SEC24C: variants seen among roughly 807,000 people sequenced by gnomAD.
SEC24C encodes the protein protein transport protein Sec24C.
A neutral mutation model predicts 117.0 loss-of-function variants in SEC24C; 22 were observed. That is an observed-to-expected ratio of 0.19 (90% CI 0.13 to 0.27). The LOEUF is 0.27. Ranked by LOEUF, SEC24C falls within the 10% of genes least tolerant of loss-of-function variation. SEC24C has a pLI of 1.00. For missense variants in SEC24C, 1,155 were observed against 1,375.1 expected (o/e 0.84, Z 2.53); for synonymous variants, 506 against 529.4 (o/e 0.96, Z 0.61).
In SEC24C at chr10:73,760,251, C is replaced by T; in HGVS notation, c.715C>T (p.Pro239Ser). ...PLLPGQSFGG[P>S]SVSQPNHVSS... Reference sequence around the variant, plus strand: ...CCTGCCTGGACAGAGTTTTGGAGGGCCCTCAGTGAGCCAGCCCAACCATGT... The same window carrying T: ...CCTGCCTGGACAGAGTTTTGGAGGGTCCTCAGTGAGCCAGCCCAACCATGT... Residue 239 changes from proline to serine, a missense_variant, in exon 5 of 23, where the codon CCC becomes TCC. Coordinates refer to ENST00000345254, the MANE Select transcript of SEC24C (RefSeq NM_198597.3). 1 of 1,614,106 alleles carries T rather than the reference C, an allele frequency of 6.2e-7. No individual in the cohort carries two copies. Among genetic ancestry groups the T allele is most frequent in the Non-Finnish European group, 8.5e-7 (1 of 1,180,022 alleles).
At chr10:73,748,300 A>C (rs1306663028) in intron 2 of SEC24C, among the ~76,000 whole-genome samples, 1 of 145,632 alleles carries the variant, frequency 6.9e-6, no homozygotes, top group Non-Finnish European at 1.5e-5. Context: ...CATGCCCGGC[A>C]TTTTTTGTAT....
chr10:73,751,333 G>A (rs2082639754), intron 3 of SEC24C, 90 bp downstream of exon 3: 2 of 1,307,890 alleles, frequency 1.5e-6, no homozygotes, highest in African/African-American at 1.5e-5. Flanking sequence ...GGCTGAGGTG[G>A]GTGGATCACC....
rs2082978921 is a variant in SEC24C at position 73,771,289 on chromosome 10, G to A, written c.*194G>A. On this transcript the variant is annotated 3_prime_UTR_variant, in exon 23 of 23. Transcript: ENST00000345254. ...CTGTCATGTCCTGCTGATGGAAGGT[G>A]CCCCTGTTCCCTCATTCTACCCTCT... The A allele has an allele frequency of 1.6e-6, 1 of 619,428 alleles. No homozygotes were observed. Among genetic ancestry groups the A allele is most frequent in the South Asian group, 2.1e-5 (1 of 47,926 alleles). 38.4% of individuals were successfully genotyped at this position (619,428 alleles called of 1,614,324 possible). A position where few individuals can be genotyped will look rare whatever the true frequency, so the allele number is the denominator to read the frequency against.
rs1210736185 is a variant in SEC24C at position 73,766,131 on chromosome 10, G to A, written c.1528G>A (p.Val510Ile). 16 of 1,613,546 alleles carry A rather than the reference G, an allele frequency of 9.9e-6. No homozygotes were observed. The highest frequency in any genetic ancestry group is 6.7e-5 in the East Asian group (3 of 44,878). ...SPPAFIFMID[V>I]SYNAIRTGLV... The stretch of plus-strand genomic sequence containing the variant: ...TCCTGCCTTTATCTTCATGATTGAC[G>A]TCTCCTACAATGCCATCAGGACTGG... Residue 510 changes from valine to isoleucine, a missense_variant, in exon 11 of 23, where the codon GTC becomes ATC. Transcript: ENST00000345254.
At position 73,765,863 on chromosome 10, in the gene SEC24C, C is replaced by T. The variant is rs1348555395; in HGVS notation, c.1430C>T (p.Pro477Leu). Residue 477 changes from proline to leucine, a missense_variant, in exon 10 of 23, where the codon CCT becomes CTT. This residue lies in a region of SEC24C where 759 missense variants were observed against 992.3 expected (regional missense o/e 0.76). Coordinates refer to ENST00000345254, the MANE Select transcript of SEC24C (RefSeq NM_198597.3). ...TGKRVDAYDR[P>L]ELSLGSYEFL... is the part of the protein sequence containing the mutation. The stretch of plus-strand genomic sequence containing the variant: ...AAACGTGTGGATGCTTATGACCGCC[C>T]TGAGCTATCCCTGGGCTCTTATGAA... 2 of 1,614,180 alleles carry T rather than the reference C, an allele frequency of 1.2e-6. No homozygotes were observed. The highest frequency in any genetic ancestry group is 2.2e-5 in the South Asian group (2 of 91,074).
In SEC24C at chr10:73,772,045, C is replaced by T. The variant is rs548133578; in HGVS notation, c.*950C>T. ...GACAAGGGCTAGGCTTGATGGTGGC[C>T]AGGCTTGCCTGCTCCCCACCTGGGA... On this transcript the variant is annotated 3_prime_UTR_variant, in exon 23 of 23. Coordinates refer to ENST00000345254, the MANE Select transcript of SEC24C (RefSeq NM_198597.3). The T allele has an allele frequency of 9.0e-5, 31 of 343,174 alleles. No individual in the cohort carries two copies. Among genetic ancestry groups the T allele is most frequent in the African/African-American group, 6.1e-4 (29 of 47,646 alleles). The allele number at this position is 343,174 out of a possible 1,614,324, so 21.3% of individuals were successfully genotyped here.
At chr10:73,756,498 T>G (rs2082712416) in intron 3 of SEC24C, among the ~76,000 whole-genome samples, 1 of 152,198 alleles carries the variant, frequency 6.6e-6, no homozygotes, top group African/African-American at 2.4e-5. Context: ...GATGAAAATG[T>G]TTTAAAATTT....
Position 73,767,043 on chromosome 10 carries a change from T to A in SEC24C, c.1894-11T>A, listed in dbSNP as rs1565047322. 6 of 1,603,062 alleles carry A rather than the reference T, an allele frequency of 3.7e-6. No individual in the cohort carries two copies. The highest frequency in any genetic ancestry group is 4.5e-5 in the East Asian group (2 of 44,822). On this transcript the variant is annotated splice_polypyrimidine_tract_variant and intron_variant, in intron 13 of 22. Coordinates refer to ENST00000345254, the MANE Select transcript of SEC24C (RefSeq NM_198597.3). Reference sequence around the variant, plus strand: ...TAAAGAATAAACAAGTAGTCCTCTCTTTTTTCCTAGGCTGCTGAGTGTGCA... The same window carrying A: ...TAAAGAATAAACAAGTAGTCCTCTCATTTTTCCTAGGCTGCTGAGTGTGCA...
chr10:73,759,862 C>G, intron 4 of SEC24C, 68 bp downstream of exon 4: 1 of 1,491,148 alleles, frequency 6.7e-7, no homozygotes, highest in Non-Finnish European at 8.9e-7. Context: ...GGGGTTATAC[C>G]TGAATCTCTT....
chr10:73,758,020 GGTCAGGA>G (rs2082738140), intron 3 of SEC24C, among the ~76,000 whole-genome samples: 2 of 151,428 alleles, frequency 1.3e-5, no homozygotes, highest in Admixed American at 1.3e-4. Context: ...CGAATCACGA[GGTCAGGA>G]GTTCCGAGAC....
chr10:73,767,227 A>T, intron 14 of SEC24C, 57 bp downstream of exon 14: 2 of 1,166,108 alleles, frequency 1.7e-6, no homozygotes, highest in South Asian at 1.2e-5. Context: ...GGAAGTGGGG[A>T]CTCTACTTTC....
At chr10:73,746,710 T>G (rs896615498) in intron 1 of SEC24C, 95 bp from the exon 2 acceptor site, 2 of 775,852 alleles carry the variant, frequency 2.6e-6, no homozygotes, top group African/African-American at 3.5e-5. Flanking sequence ...GATCACTGTC[T>G]GATAAGGTCA....
chr10:73,768,741 A>C, intron 15 of SEC24C, 69 bp from the exon 16 acceptor site: 1 of 1,410,364 alleles, frequency 7.1e-7, no homozygotes, highest in Non-Finnish European at 1.0e-6. Flanking sequence ...TGGAAGGGGT[A>C]CAGGGAGATT....
rs540620592 is a variant in SEC24C, at chr10:73,768,301, C to T, written c.2181+294C>T. Among the ~76,000 whole-genome samples, 7 of 152,226 alleles carry T rather than the reference C, an allele frequency of 4.6e-5. No individual in the cohort carries two copies. In the East Asian group the frequency reaches 7.7e-4, roughly 17 times the overall value. ...CAGGAAGCTAAGAATCCCTTGAACC[C>T]GGGAGGTGGAGGTTGTGGTGAGCCG... On this transcript the variant is annotated intron_variant, in intron 15 of 22. Coordinates refer to ENST00000345254, the MANE Select transcript of SEC24C (RefSeq NM_198597.3).
rs376045280 is a variant in SEC24C, at chr10:73,766,833, G to T, written c.1873G>T (p.Ala625Ser). The change falls in exon 13 of 23, where the codon GCT becomes TCT. Residue 625 changes from alanine (A) to serine (S), a missense_variant. Coordinates refer to ENST00000345254, the MANE Select transcript of SEC24C (RefSeq NM_198597.3). ...TETVFVPVIQ[A>S]GMEALKAAEC... is the part of the protein sequence containing the mutation. Reference sequence around the variant, plus strand: ...GACAGTATTTGTACCAGTTATCCAGGCTGGAATGGAGGCTCTGAAGGTAAG... The same window carrying T: ...GACAGTATTTGTACCAGTTATCCAGTCTGGAATGGAGGCTCTGAAGGTAAG... 21 of 1,614,130 alleles carry T rather than the reference G, an allele frequency of 1.3e-5. No individual in the cohort carries two copies. The highest frequency in any genetic ancestry group is 1.1e-4 in the South Asian group (10 of 91,086).
At chr10:73,757,995 G>A (rs1311246581) in intron 3 of SEC24C, among the ~76,000 whole-genome samples, 1 of 151,262 alleles carries the variant, frequency 6.6e-6, no homozygotes, top group Non-Finnish European at 1.5e-5. Context: ...CAGCACTTTG[G>A]GAGGTTGAGG....
intron 3 of SEC24C, among the ~76,000 whole-genome samples, chr10:73,757,305 C>A: frequency 6.8e-6 from 1 of 146,690 alleles, no homozygotes; most frequent in Non-Finnish European, 1.5e-5. Flanking sequence ...AGGAGGATCA[C>A]TTGAGGCCAG....
At chr10:73,752,251 A>G (rs1023036225) in intron 3 of SEC24C, 3 of 152,108 alleles carry the variant, frequency 2.0e-5, no homozygotes, top group Non-Finnish European at 4.4e-5. Flanking sequence ...TTTCCCAGGT[A>G]GCTGGGACTA....
chr10:73,767,191 G>T (rs143549287), intron 14 of SEC24C, 21 bp downstream of exon 14: 3 of 1,512,658 alleles, frequency 2.0e-6, no homozygotes, highest in Non-Finnish European at 2.8e-6. Flanking sequence ...GGAAAATGGG[G>T]GAGGGGAAGG....
Sources: allele counts gnomAD v4.1 joint callset (sites outside exome capture counted in the v4.1 genomes callset), GRCh38; gene constraint gnomAD v4.1.1; regional missense constraint gnomAD v4.1.1; transcripts MANE v1.5; gene names NCBI Gene and HGNC (gene_info 2026-07-23, HGNC 2026-07-21).